Variants in PIWIL3 observed in about 807,000 individuals in gnomAD.
PIWIL3 encodes the protein piwi-like protein 3.
Under a neutral mutation model 109.7 loss-of-function variants are expected in PIWIL3, and 101 were observed. That is an observed-to-expected ratio of 0.92 (90% CI 0.78 to 1.09). The LOEUF is 1.09. Ranked by LOEUF, PIWIL3 falls within the 50% of genes least tolerant of loss-of-function variation. PIWIL3 has a pLI of 0.00. For synonymous variants in PIWIL3, 373 were observed against 376.4 expected, an observed-to-expected ratio of 0.99 and a Z score of 0.10; for missense variants, 1,031 against 1,072.6, an observed-to-expected ratio of 0.96 and a Z score of 0.54.
At chr22:24,722,149 C>T (rs1298072161) in intron 19 of PIWIL3, among the ~76,000 whole-genome samples, 1 of 152,184 alleles carries the variant, frequency 6.6e-6, no homozygotes, top group Non-Finnish European at 1.5e-5. Flanking sequence ...GTGGCACGAT[C>T]TCCGCTCACT....
chr22:24,743,112 C>G (rs977584361), intron 12 of PIWIL3, among the ~76,000 whole-genome samples: 1 of 151,774 alleles, frequency 6.6e-6, no homozygotes, highest in Non-Finnish European at 1.5e-5. Flanking sequence ...TACAAATGGC[C>G]AACATGAAAA....
chr22:24,725,533 A>T lies in PIWIL3; in HGVS notation c.2010-18T>A. 2 of 1,613,046 alleles carry T rather than the reference A, an allele frequency of 1.2e-6. No homozygotes were observed. The highest frequency in any genetic ancestry group is 2.2e-5 in the South Asian group (2 of 90,986). ...AGTACCACCTGTTCACAGAAAAACCACCAGTTTGGAAAACAAGATTCTTAA... is the reference window on the plus strand; with the variant it reads ...AGTACCACCTGTTCACAGAAAAACCTCCAGTTTGGAAAACAAGATTCTTAA... On this transcript the variant is annotated intron_variant, in intron 16 of 20. Coordinates refer to ENST00000616349, the MANE Select transcript of PIWIL3 (RefSeq NM_001255975.1).
chr22:24,734,161 AAAAT>A lies in PIWIL3; in HGVS notation c.1635-9_1635-6del, dbSNP rs1355812826. The A allele has an allele frequency of 5.6e-6, 9 of 1,610,338 alleles. No homozygotes were observed. The highest frequency in any genetic ancestry group is 1.7e-5 in the Admixed American group (1 of 59,264). On this transcript the variant is annotated splice_region_variant and splice_polypyrimidine_tract_variant and intron_variant, in intron 13 of 20. Coordinates refer to ENST00000616349, the MANE Select transcript of PIWIL3 (RefSeq NM_001255975.1). ...GCATCACCATCTACTTCAATCCTAA[AAAAT>A]AAATATAGCATCCACATCCAAAAGA...
chr22:24,754,153 G>C lies in PIWIL3; in HGVS notation c.838C>G (p.Leu280Val), dbSNP rs567179228. Residue 280 changes from leucine (L) to valine (V), a missense_variant, in exon 8 of 21, where the codon CTC (leucine) becomes GTC (valine). Leu to Val is a conservative substitution (Grantham distance 32). Coordinates refer to ENST00000616349, the MANE Select transcript of PIWIL3 (RefSeq NM_001255975.1). ...AGTTTGTGGCTCACATCGGCACAGA[G>C]GGTAATGCTGTTTTCGTATTGAAGA... The part of the protein sequence containing the change: ...SVLQYENSIT[L>V]CADVSHKLLR... 3 of 1,614,092 alleles carry C rather than the reference G, an allele frequency of 1.9e-6. No homozygotes were observed. The East Asian group carries it at 6.7e-5, about 36-fold the overall frequency.
At chr22:24,721,951 T>C (rs983412587) in intron 19 of PIWIL3, among the ~76,000 whole-genome samples, 1 of 152,260 alleles carries the variant, frequency 6.6e-6, no homozygotes, top group Non-Finnish European at 1.5e-5. Flanking sequence ...GAGCTGACTA[T>C]ACGAAACTAT....
intron 8 of PIWIL3, among the ~76,000 whole-genome samples, chr22:24,751,796 A>C (rs1332606118): frequency 6.6e-6 from 1 of 152,144 alleles, no homozygotes; most frequent in Non-Finnish European, 1.5e-5. Context: ...GTGTCTCAAC[A>C]CATTTGCTCA....
At chr22:24,730,270 C>T (rs1239070262) in intron 14 of PIWIL3, among the ~76,000 whole-genome samples, 1 of 142,782 alleles carries the variant, frequency 7.0e-6, no homozygotes, top group Non-Finnish European at 1.5e-5. Context: ...GAGGCTGAGG[C>T]AGGAGAATAG....
Position 24,748,966 on chromosome 22 carries a change from A to T in PIWIL3, c.1390T>A (p.Phe464Ile). The change falls in exon 12 of 21, where the codon TTT (phenylalanine) becomes ATT (isoleucine). Residue 464 changes from phenylalanine (F) to isoleucine (I), a missense_variant. Coordinates refer to ENST00000616349, the MANE Select transcript of PIWIL3 (RefSeq NM_001255975.1). The stretch of plus-strand genomic sequence containing the variant: ...AAAACTCTTCCCGGGACGGACAAAA[A>T]ATTGGTATCAAATTTCAAATCCCAG... ...QLWDLKFDTN[F>I]LSVPGRVLKN... 6.2e-7 allele frequency: 1 copy of T among 1,613,816 alleles called. No homozygotes were observed. Among genetic ancestry groups the T allele is most frequent in the Non-Finnish European group, 8.5e-7 (1 of 1,179,936 alleles).
chr22:24,768,420 A>C lies in PIWIL3; in HGVS notation c.-22-5899T>G, dbSNP rs149994482. Among the ~76,000 whole-genome samples, 407 of 151,842 alleles carry C rather than the reference A, an allele frequency of 2.7e-3. 1 individual carries two copies. The highest frequency in any genetic ancestry group is 9.6e-3 in the African/African-American group (398 of 41,430). ...CAGAGGACACCACCATGCCCGGCTA[A>C]TTTTTGTATTTTTAGTAGGGACAGG... On this transcript the variant is annotated intron_variant, in intron 1 of 20. Transcript: ENST00000616349.
intron 5 of PIWIL3, 84 bp downstream of exon 5, chr22:24,756,407 T>G (rs1925032173): frequency 5.2e-6 from 7 of 1,337,440 alleles, no homozygotes; most frequent in Non-Finnish European, 7.2e-6. Context: ...AACAAACAAC[T>G]GCACAAAAAC....
intron 9 of PIWIL3, among the ~76,000 whole-genome samples, chr22:24,750,246 T>G (rs549522203): frequency 5.0e-4 from 76 of 151,742 alleles, no homozygotes; most frequent in African/African-American, 1.5e-3. Context: ...AGCAGGATAG[T>G]TTCACATTCA....
intron 16 of PIWIL3, 47 bp downstream of exon 16, chr22:24,727,903 G>A (rs1370464631): frequency 6.9e-7 from 1 of 1,449,508 alleles, no homozygotes; most frequent in Admixed American, 1.7e-5. Context: ...TTTCTATTTG[G>A]TCCACAGTCA....
At chr22:24,737,169 T>A (rs1447745052) in intron 12 of PIWIL3, among the ~76,000 whole-genome samples, 1 of 152,040 alleles carries the variant, frequency 6.6e-6, no homozygotes, top group East Asian at 1.9e-4. Flanking sequence ...AGCTCAAAGC[T>A]CCAAAAGAGA....
intron 19 of PIWIL3, among the ~76,000 whole-genome samples, chr22:24,722,317 C>T (rs1474366464): frequency 3.9e-5 from 6 of 152,108 alleles, no homozygotes; most frequent in Admixed American, 2.6e-4. Context: ...CTCTGGACCT[C>T]GTGATCTGCC....
chr22:24,758,575 G>A (rs1601848013), intron 3 of PIWIL3, among the ~76,000 whole-genome samples: 1 of 152,178 alleles, frequency 6.6e-6, no homozygotes. Flanking sequence ...TTTCAGTGAC[G>A]AGAGGCATCC....
chr22:24,754,365 T>C (rs1569107795), intron 7 of PIWIL3, 148 bp from the exon 8 acceptor site: 1 of 653,174 alleles, frequency 1.5e-6, no homozygotes, highest in African/African-American at 1.8e-5. Flanking sequence ...CAGATAAACA[T>C]TTATCAGATG....
chr22:24,734,438 G>A (rs1401132598), intron 13 of PIWIL3, among the ~76,000 whole-genome samples: 1 of 152,150 alleles, frequency 6.6e-6, no homozygotes, highest in Non-Finnish European at 1.5e-5. Context: ...AGGACACAGG[G>A]CAAATCACTG....
intron 1 of PIWIL3, among the ~76,000 whole-genome samples, chr22:24,768,217 TTTG>T (rs980306168): frequency 2.0e-4 from 31 of 152,210 alleles, no homozygotes; most frequent in African/African-American, 3.9e-4. Context: ...TTTTTCTTTT[TTTG>T]TTGTTGTTTT....
At chr22:24,756,899 G>A (rs1182381164) in intron 4 of PIWIL3, among the ~76,000 whole-genome samples, 194 bp from the exon 5 acceptor site, 2 of 151,932 alleles carry the variant, frequency 1.3e-5, no homozygotes, top group African/African-American at 4.8e-5. Context: ...GGCCAACATG[G>A]TGACCCCATA....
Sources: allele counts gnomAD v4.1 joint callset (sites outside exome capture counted in the v4.1 genomes callset), GRCh38; gene constraint gnomAD v4.1.1; transcripts MANE v1.5; gene names NCBI Gene and HGNC (gene_info 2026-07-23, HGNC 2026-07-21).